The following MCM8 variants were observed in gnomAD, a reference collection of about 807,000 sequenced individuals.
MCM8 encodes the protein minichromosome maintenance 8 homologous recombination repair factor.
Under a neutral mutation model 98.9 loss-of-function variants are expected in MCM8, and 85 were observed. The ratio of observed to expected loss-of-function variants is 0.86; its 90% CI spans 0.72 to 1.03. The LOEUF is 1.03. Ranked by LOEUF, MCM8 falls within the 50% of genes least tolerant of loss-of-function variation. MCM8 has a pLI of 0.00. For synonymous variants in MCM8, 352 were observed against 338.6 expected (o/e 1.04, Z -0.44); for missense variants, 951 against 997.8 (o/e 0.95, Z 0.63).
intron 12 of MCM8, among the ~76,000 whole-genome samples, chr20:5,973,695 C>T (rs181444593): frequency 6.6e-6 from 1 of 152,236 alleles, no homozygotes; most frequent in East Asian, 1.9e-4. Flanking sequence ...CACTCTGTTG[C>T]CCAGGCTGGA....
rs546800630 is a variant in MCM8 at position 5,958,680 on chromosome 20, T to C, written c.743T>C (p.Ile248Thr). ...MAFLCAACGE[I>T]QSFPLPDGKY... The stretch of plus-strand genomic sequence containing the variant: ...TTTCTTTGTGCTGCATGTGGAGAAA[T>C]TCAGAGCTTTCCTCTTCCAGATGGA... The change falls in exon 7 of 19, where the codon ATT (isoleucine) becomes ACT (threonine). Residue 248 changes from isoleucine (I) to threonine (T), a missense_variant. Physicochemically the swap from Ile to Thr is moderately conservative, Grantham distance 89. Coordinates refer to ENST00000610722, the MANE Select transcript of MCM8 (RefSeq NM_032485.6). The C allele has an allele frequency of 5.6e-6, 9 of 1,614,012 alleles. No individual in the cohort carries two copies. The highest frequency in any genetic ancestry group is 1.6e-4 in the Middle Eastern group (1 of 6,084).
At chr20:5,984,259 A>T (rs1357557767) in intron 14 of MCM8, among the ~76,000 whole-genome samples, 1 of 152,220 alleles carries the variant, frequency 6.6e-6, no homozygotes. Context: ...ATCAATATAG[A>T]AACAGTCTTT....
chr20:5,993,074 T>G (rs1031930867), intron 17 of MCM8, among the ~76,000 whole-genome samples: 1 of 152,174 alleles, frequency 6.6e-6, no homozygotes, highest in Non-Finnish European at 1.5e-5. Flanking sequence ...ATAACCTTTC[T>G]AGTTCATTCC....
intron 17 of MCM8, among the ~76,000 whole-genome samples, chr20:5,988,424 T>C (rs2089777161): frequency 6.6e-6 from 1 of 151,844 alleles, no homozygotes; most frequent in South Asian, 2.1e-4. Context: ...ATTGTGCCAC[T>C]GTACTCTAGC....
chr20:5,987,594 TGGA>T (rs1173149836), intron 17 of MCM8, among the ~76,000 whole-genome samples: 1 of 152,218 alleles, frequency 6.6e-6, no homozygotes, highest in Admixed American at 6.5e-5. Context: ...CAAAACCTAT[TGGA>T]GAAGAGCTAT....
At chr20:5,973,005 C>T (rs1453190382) in intron 11 of MCM8, 51 bp from the exon 12 acceptor site, 1 of 1,591,090 alleles carries the variant, frequency 6.3e-7, no homozygotes, top group Non-Finnish European at 8.6e-7. Context: ...CTTTACTAGT[C>T]ACCTTTATGT....
chr20:5,973,263 T>C, intron 12 of MCM8, 67 bp downstream of exon 12: 1 of 1,593,116 alleles, frequency 6.3e-7, no homozygotes, highest in Non-Finnish European at 8.6e-7. Flanking sequence ...CACAAGTGAA[T>C]TTTCTCAAAG....
intron 13 of MCM8, among the ~76,000 whole-genome samples, chr20:5,982,699 T>C (rs1035887290): frequency 6.6e-6 from 1 of 152,214 alleles, no homozygotes; most frequent in African/African-American, 2.4e-5. Flanking sequence ...AGAATTACTC[T>C]TACCTCCTCT....
At chr20:5,962,348 ATTTCTTTTTTTTT>A (rs2089165933) in intron 7 of MCM8, among the ~76,000 whole-genome samples, 1 of 46,168 alleles carries the variant, frequency 2.2e-5, no homozygotes, top group Non-Finnish European at 3.7e-5. Flanking sequence ...ATTAGCCTTC[ATTTCTTTTTTTTT>A]TTTTTTTTTT....
chr20:5,954,641 T>C lies in MCM8; in HGVS notation c.287T>C (p.Ile96Thr), dbSNP rs1173547633. The change falls in exon 4 of 19, where the codon ATT becomes ACT. Residue 96 changes from isoleucine to threonine, a missense_variant. Coordinates refer to ENST00000610722, the MANE Select transcript of MCM8 (RefSeq NM_032485.6). ...YSDSSPLIEK[I>T]QAFEKFFTRH... is the part of the protein sequence containing the mutation. ...GATAGCTCTCCTTTGATTGAGAAGA[T>C]TCAAGCATTTGAAAAATTTTTCACA... The C allele has an allele frequency of 7.4e-6, 12 of 1,611,102 alleles. No homozygotes were observed. Among genetic ancestry groups the C allele is most frequent in the Non-Finnish European group, 9.3e-6 (11 of 1,177,706 alleles).
intron 7 of MCM8, among the ~76,000 whole-genome samples, chr20:5,961,868 C>G (rs531231364): frequency 6.6e-6 from 1 of 152,270 alleles, no homozygotes; most frequent in South Asian, 2.1e-4. Flanking sequence ...TTTGAAGTGA[C>G]AGAAAGATGG....
At chr20:5,983,773 C>A (rs946521311) in intron 14 of MCM8, among the ~76,000 whole-genome samples, 1 of 152,070 alleles carries the variant, frequency 6.6e-6, no homozygotes, top group Non-Finnish European at 1.5e-5. Context: ...GTGTGTTGAT[C>A]ACAATTCTAA....
At position 5,994,662 on chromosome 20, in the gene MCM8, G is replaced by A. The variant is rs922850271; in HGVS notation, c.*271G>A. ...CACTGTAATCACAGTGACTCAGGAG[G>A]CTGAGGTGAGAGGATTCCTTGAGGC... On this transcript the variant is annotated 3_prime_UTR_variant, in exon 19 of 19. Transcript: ENST00000610722. 2.7e-5 allele frequency: 13 copies of A among 488,236 alleles called. No homozygotes were observed. Among genetic ancestry groups the A allele is most frequent in the Non-Finnish European group, 3.5e-5 (9 of 259,804 alleles). The allele number at this position is 488,236 out of a possible 1,614,324, so 30.2% of individuals were successfully genotyped here.
chr20:5,956,063 G>A lies in MCM8; in HGVS notation c.486+812G>A, dbSNP rs1013402510. Among the ~76,000 whole-genome samples, 6 of 152,094 alleles carry A rather than the reference G, an allele frequency of 3.9e-5. No homozygotes were observed. In the South Asian group the frequency reaches 6.2e-4, roughly 16 times the overall value. ...ATTACAGGCATGAGCCACCTTGCCC[G>A]GCCAAAAACATTTTTTAGGCTAGCA... On this transcript the variant is annotated intron_variant, in intron 5 of 18. Transcript: ENST00000610722.
Position 5,973,086 on chromosome 20 carries a change from T to C in MCM8, c.1285T>C (p.Phe429Leu). 1 of 1,614,214 alleles carries C rather than the reference T, an allele frequency of 6.2e-7. No individual in the cohort carries two copies. The highest frequency in any genetic ancestry group is 8.5e-7 in the Non-Finnish European group (1 of 1,180,026). ...TAAAGCAGGTTTGGCATTAGCACTCTTTGGAGGAAGCCAGAAATACGCAGA... is the reference window on the plus strand; with the variant it reads ...TAAAGCAGGTTTGGCATTAGCACTCCTTGGAGGAAGCCAGAAATACGCAGA... ...LVKAGLALAL[F>L]GGSQKYADDK... Residue 429 changes from phenylalanine (F) to leucine (L), a missense_variant, in exon 12 of 19, where the codon TTT (phenylalanine) becomes CTT (leucine). Transcript: ENST00000610722.
intron 7 of MCM8, 82 bp downstream of exon 7, chr20:5,958,808 T>G: frequency 8.1e-7 from 1 of 1,234,378 alleles, no homozygotes; most frequent in Admixed American, 2.3e-5. Context: ...CCAGTGTTTC[T>G]GAACACAGAG....
intron 17 of MCM8, among the ~76,000 whole-genome samples, chr20:5,990,079 T>C (rs1406723335): frequency 7.2e-5 from 11 of 152,102 alleles, no homozygotes; most frequent in Non-Finnish European, 1.6e-4. Flanking sequence ...TTTTTTTTTT[T>C]TCTCTTTTAT....
intron 13 of MCM8, among the ~76,000 whole-genome samples, chr20:5,979,242 G>A (rs1256057348): frequency 1.3e-5 from 2 of 152,006 alleles, no homozygotes; most frequent in Admixed American, 6.6e-5. Context: ...TTCTTTCTCA[G>A]TCGTTTACTG....
chr20:5,987,122 C>A (rs549169114), intron 16 of MCM8, among the ~76,000 whole-genome samples, 160 bp from the exon 17 acceptor site: 25 of 152,320 alleles, frequency 1.6e-4, no homozygotes, highest in African/African-American at 6.0e-4. Context: ...CCACCACCCC[C>A]AGCCCAGAGA....
Sources: allele counts gnomAD v4.1 joint callset (sites outside exome capture counted in the v4.1 genomes callset), GRCh38; gene constraint gnomAD v4.1.1; transcripts MANE v1.5; gene names NCBI Gene and HGNC (gene_info 2026-07-23, HGNC 2026-07-21).